The following CORO2B variants were observed in gnomAD, a reference collection of about 807,000 sequenced individuals.
The protein encoded by CORO2B is coronin 2B, also known as coronin-2B.
Under a neutral mutation model 58.8 loss-of-function variants are expected in CORO2B, and 26 were observed. That is an observed-to-expected ratio of 0.44 (90% CI 0.32 to 0.61). CORO2B has a LOEUF of 0.61. Among genes scored for constraint, CORO2B ranks in the 20% least tolerant of loss-of-function variants. CORO2B has a pLI of 0.04. For missense variants in CORO2B, 460 were observed against 645.1 expected (o/e 0.71, Z 3.11); for synonymous variants, 242 against 253.8 (o/e 0.95, Z 0.44).
chr15:68,725,179 G>T (rs975055392), intron 11 of CORO2B, among the ~76,000 whole-genome samples: 1 of 152,066 alleles, frequency 6.6e-6, no homozygotes, highest in Non-Finnish European at 1.5e-5. Flanking sequence ...GACCAGCCTG[G>T]CCAACATGGT....
chr15:68,537,699 G>A, the CORO2B span, among the ~76,000 whole-genome samples: 16 of 152,142 alleles, frequency 1.1e-4, 1 homozygote, highest in East Asian at 5.8e-4. Flanking sequence ...CTGTGCCCAC[G>A]TGTTCACATT....
Position 68,645,476 on chromosome 15 carries a change from C to T in CORO2B, c.216+116C>T, listed in dbSNP as rs1901394685. 1 of 930,216 alleles carries T rather than the reference C, an allele frequency of 1.1e-6. No individual in the cohort carries two copies. The highest frequency in any genetic ancestry group is 1.7e-5 in the African/African-American group (1 of 60,276). 57.6% of individuals were successfully genotyped at this position (930,216 alleles called of 1,614,324 possible). On this transcript the variant is annotated intron_variant, in intron 2 of 11. Transcript: ENST00000261861. This position sits in a 1 kb window ranked among gnomAD's most constrained non-coding sequence, Gnocchi z 4.5. ...TCTGAGTTCCCACCTTTTACTTCCT[C>T]ATCAAGCATCTAGTGGCTATGCCTT...
At chr15:68,613,987 T>C (rs1900297339) in intron 1 of CORO2B, among the ~76,000 whole-genome samples, 1 of 152,236 alleles carries the variant, frequency 6.6e-6, no homozygotes, top group African/African-American at 2.4e-5. Flanking sequence ...TACCTATCTG[T>C]ATATTTGAAG....
At chr15:68,636,097 C>G (rs1056136978) in intron 1 of CORO2B, among the ~76,000 whole-genome samples, 4 of 152,136 alleles carry the variant, frequency 2.6e-5, no homozygotes, top group Non-Finnish European at 5.9e-5. Context: ...ATAATTGTAC[C>G]TATTTCTCAG....
At chr15:68,546,813 A>T in the CORO2B span, among the ~76,000 whole-genome samples, 1 of 151,960 alleles carries the variant, frequency 6.6e-6, no homozygotes, top group Non-Finnish European at 1.5e-5. Context: ...AGTATTTGCA[A>T]CCCTCTGTTC....
At chr15:68,725,477 T>G (rs947258754) in intron 11 of CORO2B, among the ~76,000 whole-genome samples, 1 of 152,060 alleles carries the variant, frequency 6.6e-6, no homozygotes, top group Non-Finnish European at 1.5e-5. Flanking sequence ...TGTATTATTA[T>G]AGATGTAATA....
intron 7 of CORO2B, 46 bp downstream of exon 7, chr15:68,714,709 C>T (rs749984624): frequency 9.6e-6 from 14 of 1,460,352 alleles, no homozygotes. Context: ...TGGGAGAGCC[C>T]TACCCTCAAT....
the CORO2B span, among the ~76,000 whole-genome samples, chr15:68,550,185 G>A: frequency 2.6e-5 from 4 of 152,124 alleles, no homozygotes; most frequent in Non-Finnish European, 4.4e-5. Context: ...TGCCTGGGGC[G>A]AATTTGAAGC....
chr15:68,605,817 C>T (rs550002523), intron 1 of CORO2B, among the ~76,000 whole-genome samples: 105 of 151,098 alleles, frequency 6.9e-4, no homozygotes, highest in Middle Eastern at 3.4e-3. Flanking sequence ...CTCCACCTCC[C>T]GGGTTCAAGC....
At chr15:68,585,835 T>C (rs1595952379) in intron 1 of CORO2B, among the ~76,000 whole-genome samples, 1 of 151,830 alleles carries the variant, frequency 6.6e-6, no homozygotes, top group African/African-American at 2.4e-5. Flanking sequence ...GGGAGGAGGG[T>C]GTCCTATACA....
At chr15:68,528,214 A>G in the CORO2B span, among the ~76,000 whole-genome samples, 5 of 152,178 alleles carry the variant, frequency 3.3e-5, no homozygotes, top group Middle Eastern at 3.4e-3. Context: ...CTTGTTTCTG[A>G]TGTTGGAAGG....
At position 68,714,616 on chromosome 15, in the gene CORO2B, T is replaced by C; in HGVS notation, c.823T>C (p.Phe275Leu). The change falls in exon 7 of 12, where the codon TTC (phenylalanine) becomes CTC (leucine). Residue 275 changes from phenylalanine to leucine, a missense_variant. Around this residue, in one of 2 missense-constraint regions of CORO2B, gnomAD observed 352 missense variants for 543.0 expected, o/e 0.65. Coordinates refer to ENST00000261861, the MANE Select transcript of CORO2B (RefSeq NM_006091.5). ...AATTGATGGGCTCTCTGGCCTCCTG[T>C]TCCCCTTCTATGATGCTGACACCCA... ...EEIDGLSGLL[F>L]PFYDADTHML... 4 of 1,614,020 alleles carry C rather than the reference T, an allele frequency of 2.5e-6. No individual in the cohort carries two copies. The highest frequency in any genetic ancestry group is 3.4e-6 in the Non-Finnish European group (4 of 1,179,974).
intron 2 of CORO2B, among the ~76,000 whole-genome samples, chr15:68,691,296 C>G (rs1267594040): frequency 4.3e-5 from 6 of 139,350 alleles, no homozygotes; most frequent in Admixed American, 3.7e-4. Flanking sequence ...CGCCACTGCA[C>G]TCCAGCCTGG....
chr15:68,685,778 CTTTAT>C (rs894011310), intron 2 of CORO2B, among the ~76,000 whole-genome samples: 3 of 130,712 alleles, frequency 2.3e-5, no homozygotes, highest in Admixed American at 7.9e-5. Context: ...TGATTAAACA[CTTTAT>C]TTTATTGATA....
chr15:68,668,817 G>A (rs1414825620), intron 2 of CORO2B, among the ~76,000 whole-genome samples: 1 of 152,166 alleles, frequency 6.6e-6, no homozygotes, highest in Non-Finnish European at 1.5e-5. Flanking sequence ...GGTGGCTCAC[G>A]CCTGTAATCC....
chr15:68,565,029 C>T, the CORO2B span, among the ~76,000 whole-genome samples: 1 of 152,112 alleles, frequency 6.6e-6, no homozygotes, highest in African/African-American at 2.4e-5. Context: ...TCCTAATTTA[C>T]ATATTTGTTG....
upstream of CORO2B, among the ~76,000 whole-genome samples, chr15:68,576,461 CACA>C (rs1287781298): frequency 2.0e-5 from 3 of 152,150 alleles, no homozygotes; most frequent in Admixed American, 2.0e-4. Flanking sequence ...TCTCAGAGCC[CACA>C]ACAACGGCGG....
intron 4 of CORO2B, among the ~76,000 whole-genome samples, chr15:68,711,202 T>C (rs991924808): frequency 6.6e-6 from 1 of 152,016 alleles, no homozygotes; most frequent in African/African-American, 2.4e-5. Context: ...CCAAAGCTGC[T>C]GGAGGGCAAA....
At chr15:68,683,203 A>T in intron 2 of CORO2B, among the ~76,000 whole-genome samples, 2 of 152,182 alleles carry the variant, frequency 1.3e-5, no homozygotes, top group Middle Eastern at 6.8e-3. Flanking sequence ...CCCAGTTGGG[A>T]TAGATTCCTC....
Sources: gnomAD v4.1 joint callset for allele counts (sites outside exome capture counted in the v4.1 genomes callset) on GRCh38, gnomAD v4.1.1 for gene constraint, gnomAD v4.1.1 regional missense constraint, Gnocchi (gnomAD v3.1) non-coding constraint, MANE v1.5 for transcripts, NCBI Gene and HGNC (gene_info 2026-07-23, HGNC 2026-07-21) for gene names.